The following MAP3K21 variants were observed in gnomAD, a reference collection of about 807,000 sequenced individuals.
MAP3K21 encodes mitogen-activated protein kinase kinase kinase MLK4.
Under a neutral mutation model 86.1 loss-of-function variants are expected in MAP3K21, and 63 were observed. The ratio of observed to expected loss-of-function variants is 0.73; its 90% CI spans 0.60 to 0.90. The LOEUF (loss-of-function observed/expected upper bound fraction) is 0.90. Among genes scored for constraint, MAP3K21 ranks in the 40% least tolerant of loss-of-function variants. MAP3K21 has a pLI of 0.00. For synonymous variants in MAP3K21, 558 were observed against 564.8 expected, an observed-to-expected ratio of 0.99 and a Z score of 0.17; for missense variants, 1,220 against 1,367.7, an observed-to-expected ratio of 0.89 and a Z score of 1.70.
chr1:233,350,577 A>G (rs1041651588), intron 2 of MAP3K21, among the ~76,000 whole-genome samples: 1 of 152,102 alleles, frequency 6.6e-6, no homozygotes. Context: ...ATATTTCTTG[A>G]TTTTCTTCTC....
intron 1 of MAP3K21, among the ~76,000 whole-genome samples, chr1:233,338,780 G>A (rs997833481): frequency 3.9e-5 from 6 of 152,142 alleles, no homozygotes; most frequent in African/African-American, 1.4e-4. Flanking sequence ...CTTTTACTAC[G>A]ACGCAAGAGA....
intron 5 of MAP3K21, among the ~76,000 whole-genome samples, chr1:233,366,177 A>G (rs1663569735): frequency 6.6e-6 from 1 of 151,062 alleles, no homozygotes; most frequent in African/African-American, 2.4e-5. Flanking sequence ...AATTGTGGTT[A>G]TTGGGGTGGG....
At position 233,383,237 on chromosome 1, in the gene MAP3K21, G is replaced by GT. The variant is rs3838981; in HGVS notation, c.*527dup. The GT allele has an allele frequency of 0.44, 67,020 of 152,592 alleles. 14,911 individuals are homozygous for GT. Among genetic ancestry groups the GT allele is most frequent in the African/African-American group, 0.52 (21,477 of 41,220 alleles). 9.5% of individuals were successfully genotyped at this position (152,592 alleles called of 1,614,324 possible). The stretch of plus-strand genomic sequence containing the variant: ...AATAATGTGATATTAGTAAGTAAAG[G>GT]TCTTAAAAGTCTGACGACTGGAATA... On this transcript the variant is annotated 3_prime_UTR_variant, in exon 10 of 10. Coordinates refer to ENST00000366624, the MANE Select transcript of MAP3K21 (RefSeq NM_032435.3).
intron 1 of MAP3K21, among the ~76,000 whole-genome samples, chr1:233,339,342 C>G (rs1424557594): frequency 3.5e-5 from 4 of 113,274 alleles, no homozygotes; most frequent in African/African-American, 1.4e-4. Context: ...TCTTCTTCTC[C>G]CTCTTCTCCC....
In MAP3K21 at chr1:233,339,371, T is replaced by C. The variant is rs147265261; in HGVS notation, c.806-7071T>C. Among the ~76,000 whole-genome samples the C allele has an allele frequency of 4.3e-3, 321 of 75,184 alleles. 19 individuals are homozygous for C. Among genetic ancestry groups the C allele is most frequent in the Middle Eastern group, 0.019 (3 of 158 alleles). 49.3% of individuals were successfully genotyped at this position (75,184 alleles called of 152,430 possible). On this transcript the variant is annotated intron_variant, in intron 1 of 9. Transcript: ENST00000366624. Reference sequence around the variant, plus strand: ...TTCTCCCTCTTCTCCTTCTCCTCCTTCTCCTTCTTCTCCTTCTTCTCCTCC... The same window carrying C: ...TTCTCCCTCTTCTCCTTCTCCTCCTCCTCCTTCTTCTCCTTCTTCTCCTCC...
At chr1:233,337,645 C>T (rs1662942792) in intron 1 of MAP3K21, among the ~76,000 whole-genome samples, 1 of 152,148 alleles carries the variant, frequency 6.6e-6, no homozygotes, top group African/African-American at 2.4e-5. Flanking sequence ...TCCAGGCAGC[C>T]TGCAGTATGA....
chr1:233,339,309 CT>C (rs1558450995), intron 1 of MAP3K21, among the ~76,000 whole-genome samples: 7 of 140,904 alleles, frequency 5.0e-5, no homozygotes, highest in Admixed American at 7.1e-5. Context: ...TCTTCCTCTT[CT>C]TCTTCCTCTT....
At chr1:233,374,470 G>C (rs978956634) in intron 6 of MAP3K21, among the ~76,000 whole-genome samples, 2 of 152,066 alleles carry the variant, frequency 1.3e-5, no homozygotes, top group Admixed American at 1.3e-4. Flanking sequence ...CATCGCACCC[G>C]GCCTAAGCAC....
Position 233,383,812 on chromosome 1 carries a change from C to T in MAP3K21, c.*1101C>T, listed in dbSNP as rs1663961532. The T allele has an allele frequency of 6.6e-6, 1 of 152,138 alleles. No individual in the cohort carries two copies. Among genetic ancestry groups the T allele is most frequent in the Admixed American group, 6.5e-5 (1 of 15,272 alleles). The allele number at this position is 152,138 out of a possible 1,614,324, so 9.4% of individuals were successfully genotyped here. A position where few individuals can be genotyped will look rare whatever the true frequency, so the allele number is the denominator to read the frequency against. On this transcript the variant is annotated 3_prime_UTR_variant, in exon 10 of 10. Transcript: ENST00000366624. The stretch of plus-strand genomic sequence containing the variant: ...CATTTAATTGTGGATAAATGTTAGA[C>T]ATCTGTTGAAATAAGCTCATATGGT...
Position 233,327,996 on chromosome 1 carries a change from T to A in MAP3K21, c.-33T>A. ...GGCCGCCCGGGAGGCTGAGCCCAGC[T>A]TCCCGCTCCGCCTTCCCCGCGCAGC... is the stretch of plus-strand genomic sequence containing the variant. On this transcript the variant is annotated 5_prime_UTR_variant, in exon 1 of 10. Transcript: ENST00000366624. 8.0e-7 allele frequency: 1 copy of A among 1,248,582 alleles called. No individual in the cohort carries two copies. Among genetic ancestry groups the A allele is most frequent in the Non-Finnish European group, 1.0e-6 (1 of 998,160 alleles). The allele number at this position is 1,248,582 out of a possible 1,614,324, so 77.3% of individuals were successfully genotyped here.
At chr1:233,332,415 G>T (rs746372369) in intron 1 of MAP3K21, among the ~76,000 whole-genome samples, 1 of 152,030 alleles carries the variant, frequency 6.6e-6, no homozygotes, top group Non-Finnish European at 1.5e-5. Flanking sequence ...GAAAGAGGAA[G>T]CAAAAATGAG....
At chr1:233,337,413 A>G (rs1662938493) in intron 1 of MAP3K21, among the ~76,000 whole-genome samples, 1 of 152,220 alleles carries the variant, frequency 6.6e-6, no homozygotes, top group South Asian at 2.1e-4. Context: ...TTTTACTTAG[A>G]AACACTTCTA....
intron 1 of MAP3K21, among the ~76,000 whole-genome samples, chr1:233,339,244 T>TTCC (rs1391424632): frequency 1.3e-4 from 10 of 78,806 alleles, no homozygotes; most frequent in African/African-American, 3.6e-4. Flanking sequence ...CTTCTTCTTC[T>TTCC]TCTTCTTCTT....
Position 233,376,510 on chromosome 1 carries a change from T to G in MAP3K21, c.1907T>G (p.Leu636Trp). 6.2e-7 allele frequency: 1 copy of G among 1,612,780 alleles called. No individual in the cohort carries two copies. The highest frequency in any genetic ancestry group is 8.5e-7 in the Non-Finnish European group (1 of 1,178,978). Residue 636 changes from leucine (L) to tryptophan (W), a missense_variant, in exon 8 of 10, where the codon TTG becomes TGG. Coordinates refer to ENST00000366624, the MANE Select transcript of MAP3K21 (RefSeq NM_032435.3). ...KNQKTMPLASLFVDQPGSCEE... is the reference protein window; with the variant it reads ...KNQKTMPLASWFVDQPGSCEE... ...CAGAAAACCATGCCCTTGGCTTCAT[T>G]GTTTGTGGACCAGCCAGGTAAATGT...
At chr1:233,360,227 A>C (rs914775888) in intron 4 of MAP3K21, among the ~76,000 whole-genome samples, 1 of 152,228 alleles carries the variant, frequency 6.6e-6, no homozygotes, top group Admixed American at 6.5e-5. Context: ...CTCCAAATAC[A>C]CTATAGTAAA....
chr1:233,363,380 G>A (rs1663503353), intron 5 of MAP3K21, among the ~76,000 whole-genome samples: 1 of 152,174 alleles, frequency 6.6e-6, no homozygotes, highest in African/African-American at 2.4e-5. Flanking sequence ...GGTTATTGCA[G>A]ATGTCCTCAG....
intron 2 of MAP3K21, among the ~76,000 whole-genome samples, chr1:233,349,765 C>A (rs77763886): frequency 6.6e-6 from 1 of 151,962 alleles, no homozygotes; most frequent in Admixed American, 6.6e-5. Flanking sequence ...GGTGAAACCC[C>A]GTCTCTACTA....
intron 6 of MAP3K21, 76 bp from the exon 7 acceptor site, chr1:233,375,840 A>G: frequency 2.6e-6 from 3 of 1,173,016 alleles, no homozygotes; most frequent in Non-Finnish European, 3.7e-6. Flanking sequence ...GATATGATTC[A>G]TTTAGCTTTT....
intron 1 of MAP3K21, among the ~76,000 whole-genome samples, chr1:233,329,981 TAATGAG>T (rs1662781556): frequency 6.6e-6 from 1 of 152,132 alleles, no homozygotes; most frequent in Non-Finnish European, 1.5e-5. Flanking sequence ...CATATTCTTA[TAATGAG>T]ATGAAATCCC....
Sources: allele counts gnomAD v4.1 joint callset (sites outside exome capture counted in the v4.1 genomes callset), GRCh38; gene constraint gnomAD v4.1.1; transcripts MANE v1.5; gene names NCBI Gene and HGNC (gene_info 2026-07-23, HGNC 2026-07-21).